The following AP1S3 variants were observed in gnomAD, a reference collection of about 807,000 sequenced individuals.
The protein encoded by AP1S3 is AP-1 complex subunit sigma-3.
A neutral mutation model predicts 20.9 loss-of-function variants in AP1S3; 10 were observed. The ratio of observed to expected loss-of-function variants is 0.48; its 90% confidence interval spans 0.29 to 0.81. The LOEUF (loss-of-function observed/expected upper bound fraction) is 0.81. Ranked by LOEUF, AP1S3 falls within the 30% of genes least tolerant of loss-of-function variation. The pLI is 0.08. For missense variants in AP1S3, 154 were observed against 183.8 expected, an observed-to-expected ratio of 0.84 and a Z score of 0.94; for synonymous variants, 41 against 61.5, an observed-to-expected ratio of 0.67 and a Z score of 1.56.
chr2:223,769,027 T>C (rs1169835698), intron 3 of AP1S3, among the ~76,000 whole-genome samples: 2 of 152,184 alleles, frequency 1.3e-5, no homozygotes, highest in Admixed American at 6.5e-5. Flanking sequence ...ACTAGCAAAC[T>C]TCACAAGGAA....
In AP1S3 at chr2:223,756,205, C is replaced by T. The variant is rs775460523; in HGVS notation, c.*2510G>A. On this transcript the variant is annotated 3_prime_UTR_variant, in exon 5 of 5. Coordinates refer to ENST00000396654, the MANE Select transcript of AP1S3 (RefSeq NM_001039569.2). ...ATACAAAATTAGCCAGGCGTGGTGGCGCATGCCTATAATCCCAGCTACTCG... is the reference window on the plus strand; with the variant it reads ...ATACAAAATTAGCCAGGCGTGGTGGTGCATGCCTATAATCCCAGCTACTCG... 25 of 248,014 alleles carry T rather than the reference C, an allele frequency of 1.0e-4. No individual in the cohort carries two copies. Among genetic ancestry groups the T allele is most frequent in the South Asian group, 6.1e-4 (4 of 6,574 alleles). The allele number at this position is 248,014 out of a possible 1,614,324, so 15.4% of individuals were successfully genotyped here.
At chr2:223,809,523 TA>T (rs796705412) in intron 1 of AP1S3, among the ~76,000 whole-genome samples, 5 of 151,822 alleles carry the variant, frequency 3.3e-5, no homozygotes, top group African/African-American at 1.2e-4. Flanking sequence ...CAGGTGCCTG[TA>T]ATCCCAGCTA....
At chr2:223,781,206 G>C (rs1421976198) in intron 1 of AP1S3, among the ~76,000 whole-genome samples, 1 of 151,962 alleles carries the variant, frequency 6.6e-6, no homozygotes, top group Non-Finnish European at 1.5e-5. Flanking sequence ...TGGGCACGGA[G>C]GTTGATTCCA....
Position 223,765,350 on chromosome 2 carries a change from C to A in AP1S3, c.292G>T (p.Val98Phe), listed in dbSNP as rs376103346. The A allele has an allele frequency of 5.6e-6, 9 of 1,604,690 alleles. No homozygotes were observed. Among genetic ancestry groups the A allele is most frequent in the South Asian group, 3.4e-5 (3 of 88,674 alleles). Residue 98 changes from valine (V) to phenylalanine (F), a missense_variant and splice_region_variant, in exon 4 of 5, where the codon GTC becomes TTC. By Grantham distance (50) the Val-to-Phe change is conservative. Coordinates refer to ENST00000396654, the MANE Select transcript of AP1S3 (RefSeq NM_001039569.2). ...TTAAAGATAATATCCAGCTCACAGA[C>A]CTGGTGGGACAAAAACAAACGTTTT... ...VELLDKYFGN[V>F]CELDIIFNFE...
At chr2:223,765,159 C>CCTTCAT in intron 4 of AP1S3, 54 bp downstream of exon 4, 1 of 1,560,230 alleles carries the variant, frequency 6.4e-7, no homozygotes, top group Non-Finnish European at 8.7e-7. Context: ...ATTATTAACA[C>CCTTCAT]CATCATCATC....
At chr2:223,776,761 T>C (rs1409702999) in intron 2 of AP1S3, among the ~76,000 whole-genome samples, 1 of 152,128 alleles carries the variant, frequency 6.6e-6, no homozygotes, top group Admixed American at 6.5e-5. Context: ...GGTCTTGCCA[T>C]GGCAAGCAGA....
At chr2:223,761,853 G>A (rs1690362465) in intron 4 of AP1S3, among the ~76,000 whole-genome samples, 2 of 152,162 alleles carry the variant, frequency 1.3e-5, no homozygotes, top group South Asian at 2.1e-4. Flanking sequence ...ATGAGCCATC[G>A]CATCTGGCCT....
At chr2:223,780,343 A>AGT (rs1559280827) in intron 1 of AP1S3, among the ~76,000 whole-genome samples, 63 of 114,966 alleles carry the variant, frequency 5.5e-4, no homozygotes, top group East Asian at 1.1e-3. Flanking sequence ...AGAGAGAGAG[A>AGT]GAGAGAGAGA....
At chr2:223,766,602 T>G (rs1274078636) in intron 3 of AP1S3, among the ~76,000 whole-genome samples, 2 of 152,212 alleles carry the variant, frequency 1.3e-5, no homozygotes, top group African/African-American at 4.8e-5. Context: ...TTTACACTGT[T>G]GGTGGGAGTG....
chr2:223,777,514 A>G (rs765043068), intron 2 of AP1S3, among the ~76,000 whole-genome samples, 177 bp downstream of exon 2: 4 of 152,326 alleles, frequency 2.6e-5, no homozygotes, highest in South Asian at 2.1e-4. Flanking sequence ...TGGCACCTAG[A>G]ATTTCTTTCA....
At position 223,825,541 on chromosome 2, in the gene AP1S3, C is replaced by A. The variant is rs895192822; in HGVS notation, c.3+11907G>T. 5.3e-5 allele frequency among the ~76,000 whole-genome samples: 8 copies of A among 152,312 alleles called. No homozygotes were observed. The South Asian group carries it at 1.7e-3, about 32-fold the overall frequency. On this transcript the variant is annotated intron_variant, in intron 1 of 4. Transcript: ENST00000396654. ...CAGGCCTGTCTCTCCCATCTCCTCC[C>A]CACTGAATTCCTGTGGCAATTATAT... is the stretch of plus-strand genomic sequence containing the variant.
At chr2:223,790,485 C>T (rs1691191735) in intron 1 of AP1S3, among the ~76,000 whole-genome samples, 1 of 152,010 alleles carries the variant, frequency 6.6e-6, no homozygotes, top group Non-Finnish European at 1.5e-5. Flanking sequence ...TCACGTGCCT[C>T]GGCCTCCCAA....
intron 3 of AP1S3, among the ~76,000 whole-genome samples, chr2:223,770,726 CA>C (rs374388455): frequency 1.3e-5 from 1 of 76,630 alleles, no homozygotes. Flanking sequence ...TAGACCAGTT[CA>C]TTTTTTTTTT....
At position 223,758,656 on chromosome 2, in the gene AP1S3, G is replaced by T; in HGVS notation, c.*59C>A. The stretch of plus-strand genomic sequence containing the variant: ...GCTCCATCAAAAAACCGGATGGGAG[G>T]CGTTGCTTATTTACAGCTTCATAAC... On this transcript the variant is annotated 3_prime_UTR_variant, in exon 5 of 5. Coordinates refer to ENST00000396654, the MANE Select transcript of AP1S3 (RefSeq NM_001039569.2). The T allele has an allele frequency of 6.7e-7, 1 of 1,502,934 alleles. No homozygotes were observed. Among genetic ancestry groups the T allele is most frequent in the South Asian group, 1.5e-5 (1 of 68,832 alleles). The allele number at this position is 1,502,934 out of a possible 1,614,324, so 93.1% of individuals were successfully genotyped here. A position where few individuals can be genotyped will look rare whatever the true frequency, so the allele number is the denominator to read the frequency against.
chr2:223,806,774 CTAAT>C (rs979024011), intron 1 of AP1S3, among the ~76,000 whole-genome samples: 1 of 151,886 alleles, frequency 6.6e-6, no homozygotes, highest in African/African-American at 2.4e-5. Context: ...TTTTGAGGTC[CTAAT>C]TATTTCAGCC....
chr2:223,831,510 T>G (rs1206373819), intron 1 of AP1S3, among the ~76,000 whole-genome samples: 1 of 152,214 alleles, frequency 6.6e-6, no homozygotes, highest in Non-Finnish European at 1.5e-5. Flanking sequence ...AGCATTTGCC[T>G]CTGACATTTG....
chr2:223,801,441 T>C (rs1014263129), intron 1 of AP1S3, among the ~76,000 whole-genome samples: 1 of 152,044 alleles, frequency 6.6e-6, no homozygotes, highest in Non-Finnish European at 1.5e-5. Context: ...GAACCACCCA[T>C]ATAATGAGAA....
rs541011865 is a variant in AP1S3, at chr2:223,776,246, A to G, written c.183-237T>C. The G allele has an allele frequency of 4.2e-4, 254 of 598,888 alleles. 11 individuals are homozygous for G. In the Middle Eastern group the frequency reaches 5.9e-3, roughly 14 times the overall value. The allele number at this position is 598,888 out of a possible 1,614,324, so 37.1% of individuals were successfully genotyped here. On this transcript the variant is annotated intron_variant, in intron 2 of 4. Coordinates refer to ENST00000396654, the MANE Select transcript of AP1S3 (RefSeq NM_001039569.2). ...CATGAAAGACTCTCAACAAAATTTT[A>G]CCTTGAAGAGCTATTATCAGGAGGA...
chr2:223,786,620 A>G (rs1043190414), intron 1 of AP1S3, among the ~76,000 whole-genome samples: 7 of 152,228 alleles, frequency 4.6e-5, no homozygotes, highest in African/African-American at 1.7e-4. Flanking sequence ...ATTAAAAAAA[A>G]AAGAAGAAGG....
Sources: allele counts gnomAD v4.1 joint callset (sites outside exome capture counted in the v4.1 genomes callset), GRCh38; gene constraint gnomAD v4.1.1; transcripts MANE v1.5; gene names NCBI Gene and HGNC (gene_info 2026-07-23, HGNC 2026-07-21).